RAET1G: variants seen among roughly 807,000 people sequenced by gnomAD.
RAET1G encodes UL-16 binding protein 5.
In RAET1G, 25 loss-of-function variants were observed where a neutral mutation model predicts 29.5. That is an observed-to-expected ratio of 0.85 (90% CI 0.62 to 1.18). RAET1G has a LOEUF of 1.18. RAET1G is among the 50% of genes most tolerant of loss of function. The pLI, the probability that RAET1G is intolerant of heterozygous loss-of-function variation, is 0.00. For missense variants in RAET1G, 434 were observed against 423.6 expected (o/e 1.02, Z -0.22); for synonymous variants, 167 against 159.5 (o/e 1.05, Z -0.36).
intron 1 of RAET1G, among the ~76,000 whole-genome samples, chr6:149,922,376 A>T (rs1582802735): frequency 6.6e-6 from 1 of 151,552 alleles, no homozygotes; most frequent in African/African-American, 2.4e-5. Context: ...GTGGATGGTG[A>T]GGGGAGGGTG....
intron 3 of RAET1G, 75 bp from the exon 4 acceptor site, chr6:149,918,459 G>T: frequency 6.7e-7 from 1 of 1,494,936 alleles, no homozygotes; most frequent in Middle Eastern, 1.7e-4. Context: ...AGCTCCTGCT[G>T]ACCCAGGTCA....
Position 149,919,076 on chromosome 6 carries a change from C to T in RAET1G, c.598G>A (p.Gly200Ser). The T allele has an allele frequency of 6.2e-7, 1 of 1,614,120 alleles. No individual in the cohort carries two copies. Among genetic ancestry groups the T allele is most frequent in the South Asian group, 1.1e-5 (1 of 91,088 alleles). Residue 200 changes from glycine (G) to serine (S), a missense_variant, in exon 3 of 5, where the codon GGC (glycine) becomes AGC (serine). By Grantham distance (56) the Gly-to-Ser change is moderately conservative. Transcript: ENST00000367360. Reference sequence around the variant, plus strand: ...CTTGGCTCCAGGGTGCTGTCCATGCCCATCAAGAAGTCCTCAAGCCATCCT... The same window carrying T: ...CTTGGCTCCAGGGTGCTGTCCATGCTCATCAAGAAGTCCTCAAGCCATCCT... Reference protein sequence around the residue: ...CTGWLEDFLMGMDSTLEPSAG... With the variant: ...CTGWLEDFLMSMDSTLEPSAG...
chr6:149,918,636 G>C, intron 3 of RAET1G: 2 of 615,534 alleles, frequency 3.2e-6, no homozygotes, highest in South Asian at 4.0e-5. Flanking sequence ...GGAAGAGGAG[G>C]TGATGCTCCA....
At chr6:149,918,013 C>T (rs1395778341) in intron 4 of RAET1G, among the ~76,000 whole-genome samples, 161 bp downstream of exon 4, 6 of 152,214 alleles carry the variant, frequency 3.9e-5, no homozygotes, top group African/African-American at 1.4e-4. Context: ...GGCAGAGCTG[C>T]CCAGGTCATT....
chr6:149,923,056 T>A lies in RAET1G; in HGVS notation c.-46A>T, dbSNP rs1422253806. On this transcript the variant is annotated 5_prime_UTR_variant, in exon 1 of 5. Coordinates refer to ENST00000367360, the MANE Select transcript of RAET1G (RefSeq NM_001001788.4). ...GACAGCAGAAGCGAAGCCCAGCCCG[T>A]GGATCACCTGGCGGCTCGCAGGCTG... The A allele has an allele frequency of 7.1e-7, 1 of 1,409,212 alleles. No individual in the cohort carries two copies. The highest frequency in any genetic ancestry group is 2.1e-5 in the Admixed American group (1 of 47,418). The allele number at this position is 1,409,212 out of a possible 1,614,324, so 87.3% of individuals were successfully genotyped here. A position where few individuals can be genotyped will look rare whatever the true frequency, so the allele number is the denominator to read the frequency against.
In RAET1G at chr6:149,919,270, C is replaced by T; in HGVS notation, c.404G>A (p.Gly135Asp). Reference sequence around the variant, plus strand: ...GAAACTGAGCTGCCAAGATCCACTGCCGTGTCCTTCGGCTTTCTGCTCACA... The same window carrying T: ...GAAACTGAGCTGCCAAGATCCACTGTCGTGTCCTTCGGCTTTCTGCTCACA... ...MSCEQKAEGH[G>D]SGSWQLSFDG... Residue 135 changes from glycine to aspartate, a missense_variant, in exon 3 of 5, where the codon GGC (glycine) becomes GAC (aspartate). Physicochemically the swap from Gly to Asp is moderately conservative, Grantham distance 94. Coordinates refer to ENST00000367360, the MANE Select transcript of RAET1G (RefSeq NM_001001788.4). 2 of 1,614,240 alleles carry T rather than the reference C, an allele frequency of 1.2e-6. No individual in the cohort carries two copies. The highest frequency in any genetic ancestry group is 2.2e-5 in the East Asian group (1 of 44,884).
At chr6:149,919,935 C>T in intron 1 of RAET1G, 119 bp from the exon 2 acceptor site, 1 of 1,594,258 alleles carries the variant, frequency 6.3e-7, no homozygotes, top group Non-Finnish European at 8.5e-7. Flanking sequence ...GCAAGGAGTG[C>T]CTCCTCCAGA....
In RAET1G at chr6:149,922,977, G is replaced by C. The variant is rs775235541; in HGVS notation, c.34C>G (p.Arg12Gly). The C allele has an allele frequency of 2.5e-6, 4 of 1,605,868 alleles. No homozygotes were observed. In the African/African-American group the frequency reaches 5.3e-5, roughly 21 times the overall value. The change falls in exon 1 of 5, where the codon CGC becomes GGC. Residue 12 changes from arginine to glycine, a missense_variant. Transcript: ENST00000367360. ...AAAASPAFLL[R>G]LPLLLLLSSW... The stretch of plus-strand genomic sequence containing the variant: ...GACAGCAGGAGCAGAAGCGGGAGGC[G>C]TAGAAGGAACGCGGGGCTGGCGGCC...
At chr6:149,918,532 T>C in intron 3 of RAET1G, 148 bp from the exon 4 acceptor site, 1 of 960,418 alleles carries the variant, frequency 1.0e-6, no homozygotes, top group East Asian at 2.6e-5. Flanking sequence ...GTTCCTGGGG[T>C]AGGAAGGGAG....
intron 3 of RAET1G, 191 bp from the exon 4 acceptor site, chr6:149,918,575 G>A: frequency 1.5e-6 from 1 of 688,664 alleles, no homozygotes; most frequent in Non-Finnish European, 2.5e-6. Flanking sequence ...GGAGCTCACA[G>A]AGCTGCTGAG....
chr6:149,919,559 G>C lies in RAET1G; in HGVS notation c.343C>G (p.Pro115Ala). The stretch of plus-strand genomic sequence containing the variant: ...TGGGCCATCTGAAACTTACCCTTGG[G>C]TATGTAATTCTCCAGCTGAATGTCA... ...LLDIQLENYI[P>A]KEPLTLQARM... The change falls in exon 2 of 5, where the codon CCC becomes GCC. Residue 115 changes from proline (P) to alanine (A), a missense_variant. By Grantham distance (27) the Pro-to-Ala change is conservative (BLOSUM62 -1). Transcript: ENST00000367360. 1.2e-6 allele frequency: 2 copies of C among 1,614,010 alleles called. No homozygotes were observed. Among genetic ancestry groups the C allele is most frequent in the Non-Finnish European group, 1.7e-6 (2 of 1,179,876 alleles).
chr6:149,919,276 C>G lies in RAET1G; in HGVS notation c.398G>C (p.Gly133Ala). Residue 133 changes from glycine to alanine, a missense_variant, in exon 3 of 5, where the codon GGA (glycine) becomes GCA (alanine). Gly to Ala is a moderately conservative substitution (Grantham distance 60). Coordinates refer to ENST00000367360, the MANE Select transcript of RAET1G (RefSeq NM_001001788.4). The part of the protein sequence containing the change: ...ARMSCEQKAE[G>A]HGSGSWQLSF... ...GAGCTGCCAAGATCCACTGCCGTGT[C>G]CTTCGGCTTTCTGCTCACAAGACAT... 6.2e-7 allele frequency: 1 copy of G among 1,614,210 alleles called. No homozygotes were observed. The highest frequency in any genetic ancestry group is 8.5e-7 in the Non-Finnish European group (1 of 1,180,034).
chr6:149,917,830 C>G (rs1778483770), intron 4 of RAET1G, among the ~76,000 whole-genome samples: 1 of 152,148 alleles, frequency 6.6e-6, no homozygotes, highest in African/African-American at 2.4e-5. Flanking sequence ...GAGGACTGCC[C>G]ATGTCTGAAT....
chr6:149,920,292 G>C lies in RAET1G; in HGVS notation c.86-476C>G, dbSNP rs1220490125. On this transcript the variant is annotated intron_variant, in intron 1 of 4. Coordinates refer to ENST00000367360, the MANE Select transcript of RAET1G (RefSeq NM_001001788.4). ...TCATGGTCACAGGATTTAACACGTT[G>C]GCAAAGCCCCTGGTGGTGGTGCTCA... 2.6e-5 allele frequency among the ~76,000 whole-genome samples: 4 copies of C among 152,306 alleles called. No homozygotes were observed. In the East Asian group the frequency reaches 7.7e-4, roughly 29 times the overall value.
At chr6:149,917,912 C>T (rs535612867) in intron 4 of RAET1G, among the ~76,000 whole-genome samples, 98 of 152,320 alleles carry the variant, frequency 6.4e-4, no homozygotes, top group Non-Finnish European at 6.2e-4. Flanking sequence ...ACTTGCTAAA[C>T]CCTCTCAAGC....
chr6:149,922,925 C>G lies in RAET1G; in HGVS notation c.85+1G>C. On this transcript the variant is annotated splice_donor_variant, in intron 1 of 4. Transcript: ENST00000367360. LOFTEE classifies it high-confidence loss of function. ...CGCTTAGGCTCCATCCCCGAACTCA[C>G]CGGCCAGCCCGGTCCTGCACCAGCT... 1 of 1,587,932 alleles carries G rather than the reference C, an allele frequency of 6.3e-7. No individual in the cohort carries two copies. Among genetic ancestry groups the G allele is most frequent in the East Asian group, 2.3e-5 (1 of 43,952 alleles).
rs1288909355 is a variant in RAET1G at position 149,918,292 on chromosome 6, A to G, written c.724T>C (p.Cys242Arg). The G allele has an allele frequency of 6.2e-7, 1 of 1,613,954 alleles. No individual in the cohort carries two copies. Among genetic ancestry groups the G allele is most frequent in the Non-Finnish European group, 8.5e-7 (1 of 1,179,976 alleles). Residue 242 changes from cysteine to arginine, a missense_variant, in exon 4 of 5, where the codon TGC (cysteine) becomes CGC (arginine). Physicochemically the swap from Cys to Arg is radical, Grantham distance 180 (BLOSUM62 -3). Coordinates refer to ENST00000367360, the MANE Select transcript of RAET1G (RefSeq NM_001001788.4). Reference sequence around the variant, plus strand: ...CTTTGGGTCAGACTGTGCCTGGAGCATATGAGGAGACACATGATGAGGAGG... The same window carrying G: ...CTTTGGGTCAGACTGTGCCTGGAGCGTATGAGGAGACACATGATGAGGAGG... Reference protein sequence around the residue: ...CCLLIMCLLICSRHSLTQSHG... With the variant: ...CCLLIMCLLIRSRHSLTQSHG...
Position 149,923,029 on chromosome 6 carries a change from G to C in RAET1G, c.-19C>G. 1 of 1,576,266 alleles carries C rather than the reference G, an allele frequency of 6.3e-7. No homozygotes were observed. The highest frequency in any genetic ancestry group is 2.3e-5 in the East Asian group (1 of 44,042). ...CTGCCATTGGGGAGTTGGATCGCAGGGGACAGCAGAAGCGAAGCCCAGCCC... is the reference window on the plus strand; with the variant it reads ...CTGCCATTGGGGAGTTGGATCGCAGCGGACAGCAGAAGCGAAGCCCAGCCC... On this transcript the variant is annotated 5_prime_UTR_variant, in exon 1 of 5. Coordinates refer to ENST00000367360, the MANE Select transcript of RAET1G (RefSeq NM_001001788.4).
Position 149,919,287 on chromosome 6 carries a change from C to T in RAET1G, c.387G>A (p.Gln129=), listed in dbSNP as rs1346986239. 1 of 1,614,196 alleles carries T rather than the reference C, an allele frequency of 6.2e-7. No homozygotes were observed. Among genetic ancestry groups the T allele is most frequent in the East Asian group, 2.2e-5 (1 of 44,882 alleles). ...LTLQARMSCE[Q]KAEGHGSGSW... ...ATCCACTGCCGTGTCCTTCGGCTTTCTGCTCACAAGACATCCTGGCCTGCA... is the reference window on the plus strand; with the variant it reads ...ATCCACTGCCGTGTCCTTCGGCTTTTTGCTCACAAGACATCCTGGCCTGCA... The change falls in exon 3 of 5, where the codon CAG becomes CAA. Residue 129 remains glutamine (Q), a synonymous_variant. Transcript: ENST00000367360.
Sources: allele counts gnomAD v4.1 joint callset (sites outside exome capture counted in the v4.1 genomes callset), GRCh38; gene constraint gnomAD v4.1.1; transcripts MANE v1.5; gene names NCBI Gene and HGNC (gene_info 2026-07-23, HGNC 2026-07-21).